AZI2: variants seen among roughly 807,000 people sequenced by gnomAD.
The protein encoded by AZI2 is 5-azacytidine induced 2.
Under a neutral mutation model 45.8 loss-of-function variants are expected in AZI2, and 22 were observed. The observed-to-expected ratio is 0.48, with a 90% CI of 0.34 to 0.69. The LOEUF is 0.69. Ranked by LOEUF, AZI2 falls within the 30% of genes least tolerant of loss-of-function variation. The pLI, the probability that AZI2 is intolerant of heterozygous loss-of-function variation, is 0.01. For synonymous variants in AZI2, 137 were observed against 156.7 expected (o/e 0.87, Z 0.94); for missense variants, 417 against 441.5 (o/e 0.94, Z 0.50).
chr3:28,337,871 A>G (rs193249672), intron 4 of AZI2, 66 bp downstream of exon 4: 16 of 1,024,710 alleles, frequency 1.6e-5, no homozygotes, highest in Admixed American at 2.6e-5. Context: ...AAAACTGTTG[A>G]TATTACAAAT....
intron 1 of AZI2, among the ~76,000 whole-genome samples, chr3:28,344,170 T>C (rs1362008954): frequency 1.3e-5 from 2 of 152,054 alleles, no homozygotes; most frequent in Non-Finnish European, 2.9e-5. Flanking sequence ...GCACCACATA[T>C]ATGTATCAAC....
intron 1 of AZI2, among the ~76,000 whole-genome samples, chr3:28,342,351 C>T (rs1704048847): frequency 6.6e-6 from 1 of 151,952 alleles, no homozygotes; most frequent in South Asian, 2.1e-4. Context: ...CAGGACAACT[C>T]CCACTCTTAA....
At chr3:28,326,119 TCA>T (rs1703377405) in intron 7 of AZI2, among the ~76,000 whole-genome samples, 1 of 151,108 alleles carries the variant, frequency 6.6e-6, no homozygotes, top group Admixed American at 6.6e-5. Flanking sequence ...CAAATTTGTA[TCA>T]CACAACTTTT....
chr3:28,335,551 T>C (rs1301222292), intron 5 of AZI2, among the ~76,000 whole-genome samples: 3 of 151,964 alleles, frequency 2.0e-5, no homozygotes, highest in African/African-American at 7.2e-5. Context: ...TTTCCTTTTA[T>C]CAGGGATGGG....
At position 28,324,210 on chromosome 3, in the gene AZI2, A is replaced by G. The variant is rs150056137; in HGVS notation, c.1011T>C (p.Ser337=). The G allele has an allele frequency of 1.9e-5, 31 of 1,610,594 alleles. No individual in the cohort carries two copies. In the African/African-American group the frequency reaches 3.5e-4, roughly 18 times the overall value. Residue 337 remains serine, a synonymous_variant, in exon 8 of 8, where the codon AGT becomes AGC. Coordinates refer to ENST00000479665, the MANE Select transcript of AZI2 (RefSeq NM_022461.5). ...PNDGTCFQEH[S]SYGRNSLEDN... The stretch of plus-strand genomic sequence containing the variant: ...CTTCCAGAGAATTTCTGCCATAAGA[A>G]CTGTGTTCCTGAAAGCATGTACCAT...
chr3:28,343,085 C>T (rs1704086951), intron 1 of AZI2, among the ~76,000 whole-genome samples: 1 of 151,970 alleles, frequency 6.6e-6, no homozygotes, highest in Non-Finnish European at 1.5e-5. Flanking sequence ...ATCATTTACA[C>T]AGCAAGGAAA....
At chr3:28,338,914 A>C (rs1703904810) in intron 2 of AZI2, among the ~76,000 whole-genome samples, 1 of 152,138 alleles carries the variant, frequency 6.6e-6, no homozygotes, top group East Asian at 1.9e-4. Context: ...CACACTGCTT[A>C]GATGTTTTTT....
At chr3:28,334,930 T>C (rs1489501620) in intron 5 of AZI2, among the ~76,000 whole-genome samples, 1 of 151,854 alleles carries the variant, frequency 6.6e-6, no homozygotes, top group Non-Finnish European at 1.5e-5. Flanking sequence ...ATAGTAATGT[T>C]TGATCAGGAG....
chr3:28,346,290 T>C (rs1577145727), intron 1 of AZI2, among the ~76,000 whole-genome samples: 1 of 152,096 alleles, frequency 6.6e-6, no homozygotes, highest in Non-Finnish European at 1.5e-5. Context: ...TTCCCACCTA[T>C]ACAGAATGAT....
At chr3:28,344,554 C>A (rs1704149736) in intron 1 of AZI2, among the ~76,000 whole-genome samples, 1 of 151,998 alleles carries the variant, frequency 6.6e-6, no homozygotes, top group African/African-American at 2.4e-5. Flanking sequence ...AATAAAGATT[C>A]AGTTTTAAAC....
chr3:28,344,248 A>C (rs1326855181), intron 1 of AZI2, among the ~76,000 whole-genome samples: 1 of 152,024 alleles, frequency 6.6e-6, no homozygotes, highest in Non-Finnish European at 1.5e-5. Context: ...TTTAATTACT[A>C]TCCCTGCAAA....
Position 28,338,487 on chromosome 3 carries a change from A to G in AZI2, c.339+6T>C, listed in dbSNP as rs368358672. The G allele has an allele frequency of 2.6e-6, 4 of 1,540,260 alleles. No individual in the cohort carries two copies. The African/African-American group carries it at 4.1e-5, about 16-fold the overall frequency. On this transcript the variant is annotated splice_donor_region_variant and intron_variant, in intron 3 of 7. Coordinates refer to ENST00000479665, the MANE Select transcript of AZI2 (RefSeq NM_022461.5). ...TGCAGATGTCATTCGCTTCAAATCA[A>G]CTTACCATTTTGTCCAGTTTGCTCT...
intron 1 of AZI2, among the ~76,000 whole-genome samples, chr3:28,344,488 C>T (rs561892167): frequency 4.9e-4 from 75 of 152,074 alleles, no homozygotes; most frequent in Non-Finnish European, 7.2e-4. Flanking sequence ...CGCAAGCATC[C>T]TTTATAAAAT....
intron 6 of AZI2, among the ~76,000 whole-genome samples, chr3:28,330,658 G>C (rs1703537269): frequency 6.6e-6 from 1 of 151,270 alleles, no homozygotes; most frequent in African/African-American, 2.4e-5. Flanking sequence ...CCACAAATTT[G>C]GTTATAAGTT....
chr3:28,342,315 C>G (rs184119134), intron 1 of AZI2, among the ~76,000 whole-genome samples: 5 of 151,932 alleles, frequency 3.3e-5, no homozygotes, highest in African/African-American at 1.2e-4. Context: ...TCTTCATTAA[C>G]ATCAATTTAA....
chr3:28,326,743 A>T, intron 7 of AZI2, 89 bp downstream of exon 7: 1 of 1,011,554 alleles, frequency 9.9e-7, no homozygotes, highest in South Asian at 1.3e-5. Flanking sequence ...TCAATCTCTC[A>T]TTTGATGAGA....
rs781393595 is a variant in AZI2, at chr3:28,338,521, T to C, written c.311A>G (p.Asp104Gly). Residue 104 changes from aspartate (D) to glycine (G), a missense_variant, in exon 3 of 8, where the codon GAT becomes GGT. By Grantham distance (94) the Asp-to-Gly change is moderately conservative (BLOSUM62 -1). Coordinates refer to ENST00000479665, the MANE Select transcript of AZI2 (RefSeq NM_022461.5). ...TTTGTCCAGTTTGCTCTTCAAATTA[T>C]CTCTATCAATGCAAACCTCTCGATA... ...HAYREVCIDR[D>G]NLKSKLDKMN... The C allele has an allele frequency of 3.8e-6, 6 of 1,587,742 alleles. No individual in the cohort carries two copies. In the Admixed American group the frequency reaches 1.0e-4, roughly 27 times the overall value.
intron 7 of AZI2, 45 bp from the exon 8 acceptor site, chr3:28,324,499 T>A: frequency 7.1e-7 from 1 of 1,399,946 alleles, no homozygotes; most frequent in Non-Finnish European, 9.4e-7. Context: ...ATTACATTTG[T>A]GATCATAAAA....
chr3:28,339,345 T>C (rs1703922057), intron 2 of AZI2, among the ~76,000 whole-genome samples: 3 of 152,134 alleles, frequency 2.0e-5, no homozygotes, highest in African/African-American at 2.4e-5. Flanking sequence ...TATTACAGGA[T>C]AGGAATTAAT....
Sources: allele counts gnomAD v4.1 joint callset (sites outside exome capture counted in the v4.1 genomes callset), GRCh38; gene constraint gnomAD v4.1.1; transcripts MANE v1.5; gene names NCBI Gene and HGNC (gene_info 2026-07-23, HGNC 2026-07-21).